The following CDH18 variants were observed in gnomAD, a reference collection of about 807,000 sequenced individuals.
CDH18 encodes cadherin-18.
In CDH18, 31 loss-of-function variants were observed where a neutral mutation model predicts 67.9. The ratio of observed to expected loss-of-function variants is 0.46; its 90% CI spans 0.34 to 0.62. The LOEUF is 0.62. Among genes scored for constraint, CDH18 ranks in the 20% least tolerant of loss-of-function variants. The probability of loss-of-function intolerance (pLI) is 0.01; values close to 1 mark genes in which losing one functional copy is unlikely to be tolerated. For synonymous variants in CDH18, 362 were observed against 347.2 expected (o/e 1.04, Z -0.48); for missense variants, 890 against 975.5 (o/e 0.91, Z 1.17).
At chr5:20,424,335 C>T (rs982066308) in intron 1 of CDH18, among the ~76,000 whole-genome samples, 7 of 150,756 alleles carry the variant, frequency 4.6e-5, no homozygotes, top group African/African-American at 1.7e-4. Flanking sequence ...TTTTTTCCAA[C>T]AGCACCATCA....
chr5:19,642,038 T>TA (rs1754076734), intron 5 of CDH18, among the ~76,000 whole-genome samples: 1 of 151,762 alleles, frequency 6.6e-6, no homozygotes, highest in Non-Finnish European at 1.5e-5. Flanking sequence ...TGTGTTGCTA[T>TA]ACAAAAACAA....
At chr5:19,522,487 A>T (rs1045085678) in intron 9 of CDH18, among the ~76,000 whole-genome samples, 7 of 152,152 alleles carry the variant, frequency 4.6e-5, no homozygotes, top group Non-Finnish European at 7.4e-5. Flanking sequence ...GATTGATGGT[A>T]TTTCCAATGT....
At chr5:19,529,279 T>C (rs347695) in intron 9 of CDH18, among the ~76,000 whole-genome samples, 52,019 of 151,808 alleles carry the variant, frequency 0.34, 9,029 homozygotes, top group South Asian at 0.42. Flanking sequence ...TTAACAAATA[T>C]GACATTTTTA....
At chr5:19,922,918 G>C (rs1055297745) in intron 2 of CDH18, among the ~76,000 whole-genome samples, 1 of 152,038 alleles carries the variant, frequency 6.6e-6, no homozygotes, top group Non-Finnish European at 1.5e-5. Context: ...TTATATATTC[G>C]TTTAATATCT....
chr5:20,337,354 A>T (rs533772187), intron 1 of CDH18, among the ~76,000 whole-genome samples: 18 of 152,290 alleles, frequency 1.2e-4, no homozygotes, highest in Admixed American at 1.0e-3. Flanking sequence ...CTTTCATTAT[A>T]AAACTCAATG....
At chr5:20,328,917 G>T (rs992708451) in intron 1 of CDH18, among the ~76,000 whole-genome samples, 8 of 113,150 alleles carry the variant, frequency 7.1e-5, no homozygotes, top group Non-Finnish European at 1.8e-4. Flanking sequence ...GATATGTCCA[G>T]ACTGCAATGT....
intron 2 of CDH18, among the ~76,000 whole-genome samples, chr5:20,008,117 C>T (rs1737073286): frequency 6.6e-6 from 1 of 152,024 alleles, no homozygotes; most frequent in Admixed American, 6.6e-5. Context: ...TTATTCTAAA[C>T]TTAATATGAC....
intron 2 of CDH18, among the ~76,000 whole-genome samples, chr5:20,118,789 T>C (rs970544669): frequency 2.6e-5 from 4 of 152,258 alleles, no homozygotes; most frequent in Middle Eastern, 3.4e-3. Flanking sequence ...AGAGCAAATG[T>C]CTGTACAATC....
At chr5:20,514,907 T>C (rs1755266394) in intron 1 of CDH18, among the ~76,000 whole-genome samples, 1 of 152,124 alleles carries the variant, frequency 6.6e-6, no homozygotes, top group Non-Finnish European at 1.5e-5. Flanking sequence ...GATACTGTTT[T>C]TCTGAACTCA....
intron 1 of CDH18, among the ~76,000 whole-genome samples, chr5:20,386,861 C>G (rs1391087535): frequency 1.3e-5 from 2 of 152,004 alleles, no homozygotes; most frequent in Admixed American, 6.6e-5. Context: ...TGGGGCATGC[C>G]ACTGTCATTG....
intron 3 of CDH18, among the ~76,000 whole-genome samples, chr5:19,796,345 T>C (rs1238567994): frequency 3.3e-5 from 5 of 152,086 alleles, no homozygotes; most frequent in African/African-American, 1.2e-4. Flanking sequence ...AAGTGATGCA[T>C]TACCTGAAAG....
At chr5:19,582,101 T>C (rs1268879231) in intron 7 of CDH18, among the ~76,000 whole-genome samples, 1 of 152,044 alleles carries the variant, frequency 6.6e-6, no homozygotes, top group Non-Finnish European at 1.5e-5. Context: ...TCATTTCAAA[T>C]AGCTTAAGTA....
intron 1 of CDH18, among the ~76,000 whole-genome samples, chr5:20,378,692 C>G (rs537625269): frequency 7.9e-5 from 12 of 152,166 alleles, no homozygotes; most frequent in African/African-American, 2.9e-4. Context: ...GCTAACGAGT[C>G]TGATTCTAAG....
chr5:19,983,284 T>C (rs1022864364), intron 1 of CDH18, among the ~76,000 whole-genome samples: 2 of 152,156 alleles, frequency 1.3e-5, no homozygotes, highest in Non-Finnish European at 2.9e-5. Flanking sequence ...ATAAGTCATA[T>C]GTAAGTCATC....
intron 3 of CDH18, among the ~76,000 whole-genome samples, chr5:19,769,255 A>G (rs1172376053): frequency 6.6e-6 from 1 of 152,134 alleles, no homozygotes; most frequent in Non-Finnish European, 1.5e-5. Flanking sequence ...ATATTGATAT[A>G]CATTGCTATC....
intron 4 of CDH18, among the ~76,000 whole-genome samples, chr5:19,727,603 G>A (rs1767009490): frequency 6.6e-6 from 1 of 152,142 alleles, no homozygotes; most frequent in Non-Finnish European, 1.5e-5. Context: ...TGGCACTTTT[G>A]TAGGGCAACT....
intron 2 of CDH18, among the ~76,000 whole-genome samples, chr5:20,180,155 A>G (rs1737571432): frequency 1.3e-5 from 2 of 152,120 alleles, no homozygotes; most frequent in South Asian, 4.1e-4. Context: ...GTTTCACATC[A>G]CCAAGATTCC....
At chr5:20,485,025 T>C (rs1753077315) in intron 1 of CDH18, among the ~76,000 whole-genome samples, 1 of 152,150 alleles carries the variant, frequency 6.6e-6, no homozygotes, top group African/African-American at 2.4e-5. Flanking sequence ...AATAATGATA[T>C]GTTTGAATGT....
intron 6 of CDH18, among the ~76,000 whole-genome samples, chr5:19,592,776 T>C (rs1276292022): frequency 2.0e-5 from 3 of 152,178 alleles, no homozygotes; most frequent in East Asian, 1.9e-4. Context: ...CTAGGACTTA[T>C]TCATTTTGCA....
Sources: gnomAD v4.1 joint callset for allele counts (sites outside exome capture counted in the v4.1 genomes callset) on GRCh38, gnomAD v4.1.1 for gene constraint, MANE v1.5 for transcripts, NCBI Gene and HGNC (gene_info 2026-07-23, HGNC 2026-07-21) for gene names.